Variants in MYO1F observed in about 807,000 individuals in gnomAD.
MYO1F encodes the protein unconventional myosin-If.
In MYO1F, 60 loss-of-function variants were observed where a neutral mutation model predicts 146.6. The ratio of observed to expected loss-of-function variants is 0.41; its 90% CI spans 0.33 to 0.51. The LOEUF (loss-of-function observed/expected upper bound fraction) is 0.51. Among genes scored for constraint, MYO1F ranks in the 20% least tolerant of loss-of-function variants. The pLI is 0.25. For missense variants in MYO1F, 1,274 were observed against 1,534.3 expected, an observed-to-expected ratio of 0.83 and a Z score of 2.83; for synonymous variants, 602 against 602.1, an observed-to-expected ratio of 1.00 and a Z score of 0.00.
chr19:8,548,111 G>A lies in MYO1F; in HGVS notation c.1194C>T (p.Phe398=), dbSNP rs746704714. 25 of 1,613,744 alleles carry A rather than the reference G, an allele frequency of 1.5e-5. No individual in the cohort carries two copies. Among genetic ancestry groups the A allele is most frequent in the Middle Eastern group, 1.6e-4 (1 of 6,084 alleles). ...TGACGAAGTTGATGCAAAACTGCTC[G>A]AAGCCATTTTTCTGCAGAAGGAGGA... The part of the protein sequence containing the change: ...YGFEIFQKNG[F]EQFCINFVNE... The change falls in exon 12 of 28, where the codon TTC becomes TTT. Residue 398 remains phenylalanine, a synonymous_variant. Transcript: ENST00000644032.
intron 1 of MYO1F, among the ~76,000 whole-genome samples, chr19:8,556,256 C>G (rs1383457651): frequency 6.6e-6 from 1 of 151,110 alleles, no homozygotes; most frequent in Non-Finnish European, 1.5e-5. Flanking sequence ...TCTGGAACTC[C>G]TGACTTCAAG....
chr19:8,534,732 TCTC>T (rs1386123625), intron 19 of MYO1F, among the ~76,000 whole-genome samples: 1 of 151,942 alleles, frequency 6.6e-6, no homozygotes, highest in Non-Finnish European at 1.5e-5. Context: ...TTTGAGTGAT[TCTC>T]CTGCCTCAGC....
chr19:8,541,672 G>T, intron 15 of MYO1F: 1 of 542,408 alleles, frequency 1.8e-6, no homozygotes, highest in Non-Finnish European at 3.4e-6. Context: ...CAAGAGATTT[G>T]TCCACTTCGG....
At chr19:8,561,394 C>CCCA (rs1974104747) in intron 1 of MYO1F, among the ~76,000 whole-genome samples, 1 of 95,612 alleles carries the variant, frequency 1.0e-5, no homozygotes, top group Non-Finnish European at 1.9e-5. Context: ...CCCTTCTTTC[C>CCCA]TTCCTTCCTT....
At chr19:8,551,996 A>G in intron 7 of MYO1F, 37 bp downstream of exon 7, 1 of 1,613,666 alleles carries the variant, frequency 6.2e-7, no homozygotes, top group South Asian at 1.1e-5. Context: ...GCTGGGCTCC[A>G]GGTGGTGCTC....
intron 19 of MYO1F, among the ~76,000 whole-genome samples, chr19:8,535,348 C>G (rs1274607391): frequency 1.3e-5 from 2 of 152,184 alleles, no homozygotes; most frequent in Non-Finnish European, 2.9e-5. Context: ...CGTCCGTCTT[C>G]TCCAAATCAA....
chr19:8,524,974 G>A (rs1428400140), intron 25 of MYO1F, among the ~76,000 whole-genome samples: 1 of 151,988 alleles, frequency 6.6e-6, no homozygotes, highest in East Asian at 1.9e-4. Context: ...GAGACGGGCG[G>A]GTCACCTGAG....
intron 14 of MYO1F, chr19:8,543,924 GTGGTGGTGGTGGTGC>G (rs1973179179): frequency 1.7e-5 from 4 of 230,138 alleles, no homozygotes; most frequent in African/African-American, 4.0e-5. Context: ...GGTGGTGGTG[GTGGTGGTGGTGGTGC>G]TGGTGGTGCT....
chr19:8,544,611 A>C (rs1031345744), intron 13 of MYO1F, 147 bp from the exon 14 acceptor site: 11 of 844,264 alleles, frequency 1.3e-5, no homozygotes, highest in East Asian at 2.7e-5. Context: ...AGGGGCTTCA[A>C]ATACAAGCAC....
intron 1 of MYO1F, among the ~76,000 whole-genome samples, chr19:8,566,079 C>A (rs1226510917): frequency 1.3e-5 from 2 of 151,674 alleles, no homozygotes; most frequent in Non-Finnish European, 2.9e-5. Context: ...AGCACTCCAG[C>A]CTGGATGACA....
intron 21 of MYO1F, chr19:8,529,914 G>C (rs1410180003): frequency 5.1e-6 from 3 of 582,754 alleles, no homozygotes. Context: ...GCTAGGTGAG[G>C]ATATACCTGT....
At chr19:8,574,541 T>G (rs1381531871) in intron 1 of MYO1F, among the ~76,000 whole-genome samples, 5 of 68,752 alleles carry the variant, frequency 7.3e-5, no homozygotes, top group African/African-American at 3.5e-4. Flanking sequence ...CTTTCTTTCT[T>G]TCTTTCTTTC....
intron 1 of MYO1F, among the ~76,000 whole-genome samples, chr19:8,569,423 G>A (rs2042068839): frequency 6.6e-6 from 1 of 152,100 alleles, no homozygotes; most frequent in African/African-American, 2.4e-5. Context: ...CAGAACTAGG[G>A]CAGGCGGGGA....
intron 16 of MYO1F, among the ~76,000 whole-genome samples, chr19:8,537,446 T>C (rs958421151): frequency 6.6e-6 from 1 of 152,090 alleles, no homozygotes; most frequent in Non-Finnish European, 1.5e-5. Context: ...TTTTGTTCTG[T>C]TTTATTTTGT....
chr19:8,569,977 A>G (rs2042078957), intron 1 of MYO1F, among the ~76,000 whole-genome samples: 2 of 152,042 alleles, frequency 1.3e-5, no homozygotes, highest in Non-Finnish European at 2.9e-5. Context: ...GTGGTTTGAT[A>G]TCACTGCAGC....
rs1015510167 is a variant in MYO1F at position 8,521,447 on chromosome 19, C to G, written c.*81G>C. The G allele has an allele frequency of 3.7e-5, 54 of 1,463,828 alleles. No homozygotes were observed. The highest frequency in any genetic ancestry group is 4.7e-5 in the Non-Finnish European group (49 of 1,049,158). 90.7% of individuals were successfully genotyped at this position (1,463,828 alleles called of 1,614,324 possible). On this transcript the variant is annotated 3_prime_UTR_variant, in exon 28 of 28. Coordinates refer to ENST00000644032, the MANE Select transcript of MYO1F (RefSeq NM_012335.4). ...TATTGCAGCCCAGGTAAACGAGGCT[C>G]TCATTGGCAGGGCCTGGCTCCCCAC...
chr19:8,561,384 CCCTTCTTTCCTT>C (rs1312414489), intron 1 of MYO1F, among the ~76,000 whole-genome samples: 1 of 105,464 alleles, frequency 9.5e-6, no homozygotes, highest in Non-Finnish European at 1.9e-5. Context: ...CTCCCTTCCC[CCCTTCTTTCCTT>C]CCTTCCTTTC....
chr19:8,540,318 A>G (rs968034715), intron 15 of MYO1F: 5 of 302,508 alleles, frequency 1.7e-5, no homozygotes, highest in Non-Finnish European at 2.4e-5. Flanking sequence ...TGAATTGTAC[A>G]TTTCATTTCA....
chr19:8,561,253 G>T (rs1443502735), intron 1 of MYO1F, among the ~76,000 whole-genome samples: 1 of 152,072 alleles, frequency 6.6e-6, no homozygotes, highest in Non-Finnish European at 1.5e-5. Flanking sequence ...GGGGAAAGGT[G>T]TGGAGGTGTG....
Sources: gnomAD v4.1 joint callset for allele counts (sites outside exome capture counted in the v4.1 genomes callset) on GRCh38, gnomAD v4.1.1 for gene constraint, MANE v1.5 for transcripts, NCBI Gene and HGNC (gene_info 2026-07-23, HGNC 2026-07-21) for gene names.